Variants in MIEN1 observed in about 807,000 individuals in gnomAD.
MIEN1 encodes the protein HBV X-transactivated gene 4 protein.
MIEN1 carries 12 observed loss-of-function variants against 15.5 expected under a neutral mutation model. The observed-to-expected ratio is 0.78, with a 90% CI of 0.50 to 1.26. The LOEUF (loss-of-function observed/expected upper bound fraction) is 1.26. Among genes scored for constraint, MIEN1 ranks in the 50% most tolerant of loss-of-function variants. The pLI is 0.00. For missense variants in MIEN1, 160 were observed against 151.7 expected (o/e 1.05, Z -0.29); for synonymous variants, 63 against 62.8 (o/e 1.00, Z -0.02).
In MIEN1 at chr17:39,729,131, G is replaced by A. The variant is rs2059916391; in HGVS notation, c.*391C>T. On this transcript the variant is annotated 3_prime_UTR_variant, in exon 4 of 4. Transcript: ENST00000394231. ...TGCCCCCCACATTCCCAGACTGGAC[G>A]TATAAAAACACACACTAGTTAGCAT... 4.5e-6 allele frequency: 1 copy of A among 221,904 alleles called. No homozygotes were observed. The highest frequency in any genetic ancestry group is 9.1e-6 in the Non-Finnish European group (1 of 109,798). The allele number at this position is 221,904 out of a possible 1,614,324, so 13.7% of individuals were successfully genotyped here. A position where few individuals can be genotyped will look rare whatever the true frequency, so the allele number is the denominator to read the frequency against.
In MIEN1 at chr17:39,729,435, A is replaced by G; in HGVS notation, c.*87T>C. 3.2e-6 allele frequency: 5 copies of G among 1,552,076 alleles called. No individual in the cohort carries two copies. Among genetic ancestry groups the G allele is most frequent in the South Asian group, 1.1e-5 (1 of 87,616 alleles). On this transcript the variant is annotated 3_prime_UTR_variant, in exon 4 of 4. Coordinates refer to ENST00000394231, the MANE Select transcript of MIEN1 (RefSeq NM_032339.5). Reference sequence around the variant, plus strand: ...TCTTTGCTAAGGAGCTAAGTAGGGGAAAGAGGCAGGGGGAGCTCCCAGCAG... The same window carrying G: ...TCTTTGCTAAGGAGCTAAGTAGGGGGAAGAGGCAGGGGGAGCTCCCAGCAG...
At chr17:39,729,936 C>T (rs1268650954) in intron 2 of MIEN1, 175 bp from the exon 3 acceptor site, 6 of 797,158 alleles carry the variant, frequency 7.5e-6, no homozygotes, top group African/African-American at 1.7e-5. Flanking sequence ...AGGGAGGCCT[C>T]GCCTGTGTGC....
rs982391612 is a variant in MIEN1, at chr17:39,729,430, A to T, written c.*92T>A. On this transcript the variant is annotated 3_prime_UTR_variant, in exon 4 of 4. Transcript: ENST00000394231. ...GGGTCTCTTTGCTAAGGAGCTAAGT[A>T]GGGGAAAGAGGCAGGGGGAGCTCCC... The T allele has an allele frequency of 5.3e-6, 8 of 1,514,274 alleles. No individual in the cohort carries two copies. The highest frequency in any genetic ancestry group is 3.5e-5 in the Admixed American group (2 of 56,548). 93.8% of individuals were successfully genotyped at this position (1,514,274 alleles called of 1,614,324 possible). A position where few individuals can be genotyped will look rare whatever the true frequency, so the allele number is the denominator to read the frequency against.
At position 39,730,253 on chromosome 17, in the gene MIEN1, G is replaced by T. The variant is rs772826537; in HGVS notation, c.128C>A (p.Ala43Asp). 1.2e-6 allele frequency: 2 copies of T among 1,609,236 alleles called. No individual in the cohort carries two copies. Among genetic ancestry groups the T allele is most frequent in the Non-Finnish European group, 1.7e-6 (2 of 1,179,554 alleles). ...CGGATACTGCTCCTTCACAGCACTG[G>T]CCAGCTCCAGGTAGGTCGCCTCGAA... ...CGFEATYLEL[A>D]SAVKEQYPGI... The change falls in exon 2 of 4, where the codon GCC (alanine) becomes GAC (aspartate). Residue 43 changes from alanine (A) to aspartate (D), a missense_variant. Transcript: ENST00000394231.
In MIEN1 at chr17:39,729,204, G is replaced by C. The variant is rs2059917725; in HGVS notation, c.*318C>G. The C allele has an allele frequency of 2.4e-6, 1 of 412,506 alleles. No individual in the cohort carries two copies. Among genetic ancestry groups the C allele is most frequent in the African/African-American group, 2.0e-5 (1 of 50,244 alleles). 25.6% of individuals were successfully genotyped at this position (412,506 alleles called of 1,614,324 possible). ...CTGCCAATAGCTGACATTGCCCTGG[G>C]TTAGGGGAGAATAAATAAAATCTGT... is the stretch of plus-strand genomic sequence containing the variant. On this transcript the variant is annotated 3_prime_UTR_variant, in exon 4 of 4. Coordinates refer to ENST00000394231, the MANE Select transcript of MIEN1 (RefSeq NM_032339.5).
chr17:39,729,958 CTCAA>C, intron 2 of MIEN1, 197 bp from the exon 3 acceptor site: 1 of 728,456 alleles, frequency 1.4e-6, no homozygotes, highest in East Asian at 2.7e-5. Flanking sequence ...CCTCGCAACA[CTCAA>C]TAAAGGACTC....
chr17:39,730,473 G>T lies in MIEN1; in HGVS notation c.23C>A (p.Thr8Lys). The change falls in exon 1 of 4, where the codon ACG becomes AAG. Residue 8 changes from threonine (T) to lysine (K), a missense_variant. Transcript: ENST00000394231. ...CTCCTCGGGAGGGGGCGCTACGGAC[G>T]TCTGCCCCGGCTCCCCGCTCATCGC... MSGEPGQ[T>K]SVAPPPEEVE... 6.5e-7 allele frequency: 1 copy of T among 1,539,874 alleles called. No individual in the cohort carries two copies.
chr17:39,730,367 G>C, intron 1 of MIEN1, 40 bp downstream of exon 1: 1 of 1,555,090 alleles, frequency 6.4e-7, no homozygotes, highest in Admixed American at 1.9e-5. Flanking sequence ...CGTCCGGCCC[G>C]CGGGACCAGG....
Position 39,729,443 on chromosome 17 carries a change from A to AG in MIEN1, c.*78dup. 6.4e-7 allele frequency: 1 copy of AG among 1,571,436 alleles called. No individual in the cohort carries two copies. Among genetic ancestry groups the AG allele is most frequent in the Non-Finnish European group, 8.7e-7 (1 of 1,147,502 alleles). On this transcript the variant is annotated 3_prime_UTR_variant, in exon 4 of 4. Transcript: ENST00000394231. ...AAGGAGCTAAGTAGGGGAAAGAGGCAGGGGGAGCTCCCAGCAGGACCAAAG... is the reference window on the plus strand; with the variant it reads ...AAGGAGCTAAGTAGGGGAAAGAGGCAGGGGGGAGCTCCCAGCAGGACCAAAG...
chr17:39,729,412 T>C lies in MIEN1; in HGVS notation c.*110A>G, dbSNP rs956985453. Reference sequence around the variant, plus strand: ...AGGGCAAAGTGGAGGCCAGGGTCTCTTTGCTAAGGAGCTAAGTAGGGGAAA... The same window carrying C: ...AGGGCAAAGTGGAGGCCAGGGTCTCCTTGCTAAGGAGCTAAGTAGGGGAAA... On this transcript the variant is annotated 3_prime_UTR_variant, in exon 4 of 4. Coordinates refer to ENST00000394231, the MANE Select transcript of MIEN1 (RefSeq NM_032339.5). 1 of 1,407,412 alleles carries C rather than the reference T, an allele frequency of 7.1e-7. No individual in the cohort carries two copies. Among genetic ancestry groups the C allele is most frequent in the Admixed American group, 2.0e-5 (1 of 49,616 alleles). The allele number at this position is 1,407,412 out of a possible 1,614,324, so 87.2% of individuals were successfully genotyped here. A position where few individuals can be genotyped will look rare whatever the true frequency, so the allele number is the denominator to read the frequency against.
intron 2 of MIEN1, 74 bp from the exon 3 acceptor site, chr17:39,729,835 C>T (rs2143358833): frequency 6.3e-7 from 1 of 1,588,092 alleles, no homozygotes. Flanking sequence ...AAAGGGGTCC[C>T]CCGCCTTCAA....
Position 39,729,387 on chromosome 17 carries a change from A to G in MIEN1, c.*135T>C, listed in dbSNP as rs74845995. Reference sequence around the variant, plus strand: ...TCTTCTATTCCTTCTTTGTACCCAAAGGGCAAAGTGGAGGCCAGGGTCTCT... The same window carrying G: ...TCTTCTATTCCTTCTTTGTACCCAAGGGGCAAAGTGGAGGCCAGGGTCTCT... On this transcript the variant is annotated 3_prime_UTR_variant, in exon 4 of 4. Transcript: ENST00000394231. The G allele has an allele frequency of 9.1e-7, 1 of 1,096,030 alleles. No individual in the cohort carries two copies. The highest frequency in any genetic ancestry group is 1.3e-6 in the Non-Finnish European group (1 of 749,194). 67.9% of individuals were successfully genotyped at this position (1,096,030 alleles called of 1,614,324 possible).
chr17:39,730,049 G>A, intron 2 of MIEN1, 145 bp downstream of exon 2: 1 of 820,914 alleles, frequency 1.2e-6, no homozygotes, highest in Admixed American at 2.3e-5. Context: ...CTGACCTATG[G>A]AAGGGAACTC....
Position 39,729,357 on chromosome 17 carries a change from C to T in MIEN1, c.*165G>A, listed in dbSNP as rs1319711104. On this transcript the variant is annotated 3_prime_UTR_variant, in exon 4 of 4. Transcript: ENST00000394231. ...TGTCTCTCTCCTGCCCCCAAGGCCA[C>T]GGAATCTTCTATTCCTTCTTTGTAC... 1.4e-5 allele frequency: 11 copies of T among 813,768 alleles called. No individual in the cohort carries two copies. The highest frequency in any genetic ancestry group is 1.0e-4 in the African/African-American group (6 of 57,702). The allele number at this position is 813,768 out of a possible 1,614,324, so 50.4% of individuals were successfully genotyped here.
chr17:39,729,921 A>G (rs929905660), intron 2 of MIEN1, 160 bp from the exon 3 acceptor site: 5 of 936,384 alleles, frequency 5.3e-6, no homozygotes, highest in Non-Finnish European at 8.0e-6. Flanking sequence ...ACTCCAGGGA[A>G]CCTGAGGGAG....
intron 2 of MIEN1, 53 bp from the exon 3 acceptor site, chr17:39,729,814 G>T: frequency 6.2e-7 from 1 of 1,611,122 alleles, no homozygotes; most frequent in Non-Finnish European, 8.5e-7. Context: ...GCAGAAGTCA[G>T]GAGTTCCTCC....
chr17:39,729,259 A>C lies in MIEN1; in HGVS notation c.*263T>G, dbSNP rs1483610486. The C allele has an allele frequency of 1.8e-6, 1 of 541,952 alleles. No individual in the cohort carries two copies. Among genetic ancestry groups the C allele is most frequent in the Admixed American group, 3.3e-5 (1 of 30,554 alleles). The allele number at this position is 541,952 out of a possible 1,614,324, so 33.6% of individuals were successfully genotyped here. ...TCAGACAGGTATTACCGAGGCGAAG[A>C]GTGGACTGGGCTTTCGTGGGCACTT... is the stretch of plus-strand genomic sequence containing the variant. On this transcript the variant is annotated 3_prime_UTR_variant, in exon 4 of 4. Transcript: ENST00000394231.
Position 39,729,924 on chromosome 17 carries a change from T to G in MIEN1, c.188-163A>C, listed in dbSNP as rs554328396. The G allele has an allele frequency of 5.5e-6, 5 of 903,470 alleles. No homozygotes were observed. The East Asian group carries it at 1.3e-4, about 24-fold the overall frequency. The allele number at this position is 903,470 out of a possible 1,614,324, so 56.0% of individuals were successfully genotyped here. The stretch of plus-strand genomic sequence containing the variant: ...AACCCTGGGTCAACTCCAGGGAACC[T>G]GAGGGAGGCCTCGCCTGTGTGCCCC... On this transcript the variant is annotated intron_variant, in intron 2 of 3. Transcript: ENST00000394231.
In MIEN1 at chr17:39,729,411, C is replaced by G; in HGVS notation, c.*111G>C. 2 of 1,402,108 alleles carry G rather than the reference C, an allele frequency of 1.4e-6. No individual in the cohort carries two copies. Among genetic ancestry groups the G allele is most frequent in the Non-Finnish European group, 2.0e-6 (2 of 1,015,216 alleles). 86.9% of individuals were successfully genotyped at this position (1,402,108 alleles called of 1,614,324 possible). A position where few individuals can be genotyped will look rare whatever the true frequency, so the allele number is the denominator to read the frequency against. On this transcript the variant is annotated 3_prime_UTR_variant, in exon 4 of 4. Coordinates refer to ENST00000394231, the MANE Select transcript of MIEN1 (RefSeq NM_032339.5). ...AAGGGCAAAGTGGAGGCCAGGGTCT[C>G]TTTGCTAAGGAGCTAAGTAGGGGAA...
Sources: allele counts gnomAD v4.1 joint callset, GRCh38; gene constraint gnomAD v4.1.1; transcripts MANE v1.5; gene names NCBI Gene and HGNC (gene_info 2026-07-23, HGNC 2026-07-21).